Variants in CDH23 observed in about 807,000 individuals in gnomAD.
CDH23 encodes the protein cadherin related 23.
CDH23 carries 189 observed loss-of-function variants against 317.1 expected under a neutral mutation model. That is an observed-to-expected ratio of 0.60 (90% CI 0.53 to 0.67). The LOEUF is 0.67. Ranked by LOEUF, CDH23 falls within the 30% of genes least tolerant of loss-of-function variation. The probability of loss-of-function intolerance (pLI) is 0.00; values close to 1 mark genes in which losing one functional copy is unlikely to be tolerated. For synonymous variants in CDH23, 1,839 were observed against 1,876.8 expected (o/e 0.98, Z 0.52); for missense variants, 4,401 against 4,592.4 (o/e 0.96, Z 1.20).
At chr10:71,799,418 G>T (rs993045017) in intron 51 of CDH23, 74 bp from the exon 52 acceptor site, 1 of 1,606,730 alleles carries the variant, frequency 6.2e-7, no homozygotes. Context: ...GCCTGCATCA[G>T]TGAGTTCTAG....
intron 6 of CDH23, among the ~76,000 whole-genome samples, chr10:71,530,551 T>C (rs1443258535): frequency 2.0e-5 from 3 of 152,194 alleles, no homozygotes; most frequent in African/African-American, 7.2e-5. Context: ...GGGGGGCAGG[T>C]GTGTGAGGCT....
chr10:71,398,008 C>G (rs1447948409), intron 1 of CDH23, among the ~76,000 whole-genome samples: 2 of 152,242 alleles, frequency 1.3e-5, no homozygotes, highest in African/African-American at 4.8e-5. Flanking sequence ...CCCCCAGGAG[C>G]TGGCACCCGG....
intron 38 of CDH23, chr10:71,748,004 G>A (rs1179530017): frequency 6.6e-6 from 1 of 152,298 alleles, no homozygotes; most frequent in African/African-American, 2.4e-5. Context: ...GGCTTCAAGA[G>A]GCCTTTGTTC....
At chr10:71,681,426 G>C (rs890736311) in intron 17 of CDH23, among the ~76,000 whole-genome samples, 2 of 152,168 alleles carry the variant, frequency 1.3e-5, no homozygotes, top group Non-Finnish European at 2.9e-5. Context: ...CAGGGCACAG[G>C]CATCTATCTT....
chr10:71,783,126 GTAAC>G (rs1841001727), intron 41 of CDH23, among the ~76,000 whole-genome samples: 1 of 152,200 alleles, frequency 6.6e-6, no homozygotes, highest in African/African-American at 2.4e-5. Context: ...AGTGAAGGAG[GTAAC>G]TAACCTTCTC....
At chr10:71,484,750 C>T (rs1045838492) in intron 3 of CDH23, among the ~76,000 whole-genome samples, 2 of 152,188 alleles carry the variant, frequency 1.3e-5, no homozygotes, top group African/African-American at 4.8e-5. Flanking sequence ...GCAATGCCTG[C>T]TGTAGGTTTT....
intron 9 of CDH23, among the ~76,000 whole-genome samples, chr10:71,605,252 T>TTA (rs1554844654): frequency 3.4e-5 from 5 of 146,616 alleles, no homozygotes; most frequent in African/African-American, 1.0e-4. Flanking sequence ...CTTTTTTTTT[T>TTA]AAAAAAAAAA....
At chr10:71,776,717 CT>C (rs1840822696) in intron 38 of CDH23, among the ~76,000 whole-genome samples, 1 of 152,196 alleles carries the variant, frequency 6.6e-6, no homozygotes, top group South Asian at 2.1e-4. Flanking sequence ...AGGGGGACCC[CT>C]GTCCCCAAGC....
chr10:71,592,442 G>C (rs953419325), intron 9 of CDH23, among the ~76,000 whole-genome samples: 2 of 152,142 alleles, frequency 1.3e-5, no homozygotes, highest in Admixed American at 6.5e-5. Context: ...TAAAATCAAG[G>C]TGTCAGCAGG....
chr10:71,525,824 G>A (rs200937557), intron 6 of CDH23, among the ~76,000 whole-genome samples: 2 of 106,624 alleles, frequency 1.9e-5, no homozygotes, highest in Middle Eastern at 4.3e-3. Context: ...GTCCCTGCTT[G>A]GCTTGCTACA....
Position 71,805,949 on chromosome 10 carries a change from C to A in CDH23, c.8016C>A (p.Leu2672=). Residue 2672 remains leucine (L), a synonymous_variant, in exon 56 of 70, where the codon CTC becomes CTA. Coordinates refer to ENST00000224721, the MANE Select transcript of CDH23 (RefSeq NM_022124.6). ...EFFIIDPISG[L]IQTAQRLDRE... Reference sequence around the variant, plus strand: ...TCATCATCGACCCAATCAGCGGCCTCATCCAGACTGCTCAGCGCCTGGACC... The same window carrying A: ...TCATCATCGACCCAATCAGCGGCCTAATCCAGACTGCTCAGCGCCTGGACC... 6.2e-7 allele frequency: 1 copy of A among 1,607,334 alleles called. No homozygotes were observed.
At chr10:71,405,202 G>T (rs542623493) in intron 1 of CDH23, among the ~76,000 whole-genome samples, 3 of 152,254 alleles carry the variant, frequency 2.0e-5, no homozygotes, top group South Asian at 4.1e-4. Flanking sequence ...TAGCCATCCT[G>T]CCCTGGCTTA....
intron 1 of CDH23, among the ~76,000 whole-genome samples, chr10:71,431,713 G>C (rs1849379804): frequency 6.6e-6 from 1 of 152,216 alleles, no homozygotes; most frequent in South Asian, 2.1e-4. Context: ...CTGAAACGCT[G>C]CCCAGATGTC....
intron 38 of CDH23, chr10:71,750,993 T>C: frequency 2.2e-6 from 1 of 453,558 alleles, no homozygotes; most frequent in Non-Finnish European, 3.9e-6. Flanking sequence ...ATTTGGCATC[T>C]GTAGCTGGTG....
intron 3 of CDH23, among the ~76,000 whole-genome samples, chr10:71,472,146 G>A (rs1323253792): frequency 6.6e-6 from 1 of 152,158 alleles, no homozygotes; most frequent in African/African-American, 2.4e-5. Context: ...GACCCCATGG[G>A]CTGCCTTCCT....
Position 71,566,877 on chromosome 10 carries a change from G to C in CDH23, c.565G>C (p.Val189Leu), listed in dbSNP as rs1212720284. 1.2e-6 allele frequency: 2 copies of C among 1,613,840 alleles called. No individual in the cohort carries two copies. Among genetic ancestry groups the C allele is most frequent in the African/African-American group, 2.7e-5 (2 of 74,936 alleles). Residue 189 changes from valine to leucine, a missense_variant, in exon 7 of 70, where the codon GTG becomes CTG. Coordinates refer to ENST00000224721, the MANE Select transcript of CDH23 (RefSeq NM_022124.6). ...AIDSARGIVT[V>L]IRELDYETTQ... ...TGACAGCGCCCGCGGTATCGTCACA[G>C]TGATCCGGGAGCTGGACTACGAGAC...
chr10:71,643,028 C>T (rs957129715), intron 11 of CDH23, among the ~76,000 whole-genome samples: 21 of 152,214 alleles, frequency 1.4e-4, no homozygotes, highest in African/African-American at 4.1e-4. Flanking sequence ...ATACTTGGTA[C>T]TTACAAAGTG....
chr10:71,694,988 T>G lies in CDH23; in HGVS notation c.2290-430T>G, dbSNP rs533256335. Among the ~76,000 whole-genome samples the G allele has an allele frequency of 1.1e-3, 171 of 152,128 alleles. 1 individual carries two copies. Among genetic ancestry groups the G allele is most frequent in the Non-Finnish European group, 1.4e-3 (94 of 68,012 alleles). ...AGTGCCCTACTCTGTCAAGGGAGGCTCCTACTAATAGGAATCAGAGCCCTA... is the reference window on the plus strand; with the variant it reads ...AGTGCCCTACTCTGTCAAGGGAGGCGCCTACTAATAGGAATCAGAGCCCTA... On this transcript the variant is annotated intron_variant, in intron 21 of 69. Coordinates refer to ENST00000224721, the MANE Select transcript of CDH23 (RefSeq NM_022124.6).
chr10:71,679,142 C>T (rs1235284184), intron 16 of CDH23, among the ~76,000 whole-genome samples: 1 of 152,180 alleles, frequency 6.6e-6, no homozygotes, highest in Non-Finnish European at 1.5e-5. Context: ...CTAGATTCCC[C>T]AGGCTGCCTC....
Sources: allele counts gnomAD v4.1 joint callset (sites outside exome capture counted in the v4.1 genomes callset), GRCh38; gene constraint gnomAD v4.1.1; transcripts MANE v1.5; gene names NCBI Gene and HGNC (gene_info 2026-07-23, HGNC 2026-07-21).